Variants in RAPGEF6 observed in about 807,000 individuals in gnomAD.
RAPGEF6 encodes the protein PDZ domain containing guanine nucleotide exchange factor (GEF) 2.
A neutral mutation model predicts 171.4 loss-of-function variants in RAPGEF6; 56 were observed. The ratio of observed to expected loss-of-function variants is 0.33; its 90% CI spans 0.26 to 0.41. The LOEUF (loss-of-function observed/expected upper bound fraction) is 0.41. Among genes scored for constraint, RAPGEF6 ranks in the 10% least tolerant of loss-of-function variants. RAPGEF6 has a pLI of 1.00. For synonymous variants in RAPGEF6, 692 were observed against 650.1 expected (o/e 1.06, Z -0.98); for missense variants, 1,674 against 1,921.4 (o/e 0.87, Z 2.41).
chr5:131,576,451 G>A (rs1762610298), intron 4 of RAPGEF6, among the ~76,000 whole-genome samples: 1 of 152,104 alleles, frequency 6.6e-6, no homozygotes, highest in Admixed American at 6.5e-5. Flanking sequence ...CTGTTATATG[G>A]GCAGAAAGAG....
chr5:131,575,452 C>G (rs1326694385), intron 4 of RAPGEF6, among the ~76,000 whole-genome samples: 1 of 152,176 alleles, frequency 6.6e-6, no homozygotes, highest in Non-Finnish European at 1.5e-5. Flanking sequence ...CCATCCGTTA[C>G]CGATCTTGGC....
Position 131,427,306 on chromosome 5 carries a change from T to A in RAPGEF6, c.4781-15A>T, listed in dbSNP as rs1220059410. 3 of 1,591,968 alleles carry A rather than the reference T, an allele frequency of 1.9e-6. No homozygotes were observed. Among genetic ancestry groups the A allele is most frequent in the Non-Finnish European group, 2.6e-6 (3 of 1,161,438 alleles). ...TTGTTCATTTTCTGAAAATAAAAAA[T>A]ATATAATTAACTGGCAGATCAGCAT... On this transcript the variant is annotated splice_polypyrimidine_tract_variant and intron_variant, in intron 27 of 27. Coordinates refer to ENST00000509018, the MANE Select transcript of RAPGEF6 (RefSeq NM_016340.6).
chr5:131,524,566 G>A (rs1016486254), intron 6 of RAPGEF6, among the ~76,000 whole-genome samples: 3 of 148,636 alleles, frequency 2.0e-5, no homozygotes, highest in Non-Finnish European at 4.5e-5. Context: ...AGAGGGAGAG[G>A]GAGAGGAGGA....
intron 5 of RAPGEF6, among the ~76,000 whole-genome samples, chr5:131,555,513 A>T (rs912832978): frequency 7.9e-5 from 12 of 152,096 alleles, no homozygotes; most frequent in Non-Finnish European, 1.6e-4. Flanking sequence ...ATGCTAAAAT[A>T]AAAATCTTGA....
At chr5:131,532,247 AT>A (rs1156579373) in intron 6 of RAPGEF6, 4 of 378,576 alleles carry the variant, frequency 1.1e-5, no homozygotes, top group African/African-American at 8.5e-5. Context: ...TTTACAAATC[AT>A]ACACCACTGC....
chr5:131,622,102 C>T (rs1765627353), intron 1 of RAPGEF6, among the ~76,000 whole-genome samples: 2 of 152,142 alleles, frequency 1.3e-5, no homozygotes, highest in Non-Finnish European at 2.9e-5. Context: ...TATGTATTCA[C>T]CTGTGCCTCA....
At position 131,576,708 on chromosome 5, in the gene RAPGEF6, C is replaced by T. The variant is rs115665029; in HGVS notation, c.282-14661G>A. On this transcript the variant is annotated intron_variant, in intron 4 of 27. Transcript: ENST00000509018. ...TTTATCACTCCCACCTATTCTCCCA[C>T]TGAAACTATTACTTATCAATCCCTT... 2.6e-5 allele frequency among the ~76,000 whole-genome samples: 4 copies of T among 152,336 alleles called. No homozygotes were observed. The East Asian group carries it at 5.8e-4, about 22-fold the overall frequency.
intron 11 of RAPGEF6, among the ~76,000 whole-genome samples, chr5:131,499,938 G>A (rs937387355): frequency 6.6e-6 from 1 of 152,064 alleles, no homozygotes; most frequent in African/African-American, 2.4e-5. Flanking sequence ...TGGCTCTGTC[G>A]CCCAGGCTGG....
chr5:131,488,385 A>G (rs554906638), intron 15 of RAPGEF6, among the ~76,000 whole-genome samples: 4 of 152,246 alleles, frequency 2.6e-5, no homozygotes, highest in Non-Finnish European at 5.9e-5. Flanking sequence ...GAGAAACTGA[A>G]GCTTGGAAAG....
chr5:131,474,734 G>A (rs1754983533), intron 16 of RAPGEF6, among the ~76,000 whole-genome samples: 1 of 151,882 alleles, frequency 6.6e-6, no homozygotes. Context: ...GAAAATAAGA[G>A]GAAAAAGGGC....
intron 14 of RAPGEF6, among the ~76,000 whole-genome samples, chr5:131,490,420 C>CTA (rs1440184430): frequency 6.6e-6 from 1 of 151,706 alleles, no homozygotes; most frequent in African/African-American, 2.4e-5. Context: ...AGACTTGCAT[C>CTA]TATGCACTAA....
In RAPGEF6 at chr5:131,433,449, G is replaced by A. The variant is rs369864774; in HGVS notation, c.3955C>T (p.His1319Tyr). 1 of 1,612,284 alleles carries A rather than the reference G, an allele frequency of 6.2e-7. No individual in the cohort carries two copies. Among genetic ancestry groups the A allele is most frequent in the Admixed American group, 1.7e-5 (1 of 60,018 alleles). The change falls in exon 25 of 28, where the codon CAT (histidine) becomes TAT (tyrosine). Residue 1319 changes from histidine (H) to tyrosine (Y), a missense_variant. Coordinates refer to ENST00000509018, the MANE Select transcript of RAPGEF6 (RefSeq NM_016340.6). ...GCTTACCCAGGGCCATGTTGACTAT[G>A]ATCTCCTATCCCTGAAGCGTGCTCT... ...KTEHASGIGDHSQHGPGWTLL... is the reference protein window; with the variant it reads ...KTEHASGIGDYSQHGPGWTLL...
intron 4 of RAPGEF6, among the ~76,000 whole-genome samples, chr5:131,573,028 C>T (rs1762396718): frequency 6.6e-6 from 1 of 152,106 alleles, no homozygotes; most frequent in African/African-American, 2.4e-5. Context: ...TGCGACTCAT[C>T]CCAGACTTTC....
At chr5:131,511,481 C>CTTTTTTTTTTTTTTTTTTTTTTTTT (rs55782171) in intron 7 of RAPGEF6, among the ~76,000 whole-genome samples, 2 of 137,328 alleles carry the variant, frequency 1.5e-5, no homozygotes, top group South Asian at 2.3e-4. Context: ...AAAAGATCAT[C>CTTTTTTTTTTTTTTTTTTTTTTTTT]TTTTTTTTTT....
At chr5:131,439,535 G>A in intron 24 of RAPGEF6, 46 bp downstream of exon 24, 1 of 1,555,028 alleles carries the variant, frequency 6.4e-7, no homozygotes, top group South Asian at 1.2e-5. Context: ...GTGCTATAAA[G>A]TATTGTTTAG....
chr5:131,430,583 A>G, intron 26 of RAPGEF6: 2 of 532,630 alleles, frequency 3.8e-6, no homozygotes, highest in South Asian at 3.3e-5. Context: ...ATTCCTCAAT[A>G]AAACCAAAAA....
At chr5:131,607,733 G>C (rs577708202) in intron 1 of RAPGEF6, among the ~76,000 whole-genome samples, 2 of 152,254 alleles carry the variant, frequency 1.3e-5, no homozygotes, top group East Asian at 3.9e-4. Flanking sequence ...GAAAATGGGA[G>C]ATAAACACTA....
chr5:131,531,697 A>G (rs1759384898), intron 6 of RAPGEF6, among the ~76,000 whole-genome samples: 1 of 152,224 alleles, frequency 6.6e-6, no homozygotes, highest in South Asian at 2.1e-4. Context: ...CAATTCAATC[A>G]TAATTTATGA....
At chr5:131,538,054 T>C (rs1478156460) in intron 6 of RAPGEF6, among the ~76,000 whole-genome samples, 1 of 152,192 alleles carries the variant, frequency 6.6e-6, no homozygotes, top group Non-Finnish European at 1.5e-5. Flanking sequence ...ATCATTCCAC[T>C]GCATTCTAGT....
Sources: gnomAD v4.1 joint callset for allele counts (sites outside exome capture counted in the v4.1 genomes callset) on GRCh38, gnomAD v4.1.1 for gene constraint, MANE v1.5 for transcripts, NCBI Gene and HGNC (gene_info 2026-07-23, HGNC 2026-07-21) for gene names.